Variants in RBFOX1 observed in about 807,000 individuals in gnomAD.
RBFOX1 encodes RNA binding fox-1 homolog 1.
A neutral mutation model predicts 57.7 loss-of-function variants in RBFOX1; 8 were observed. The ratio of observed to expected loss-of-function variants is 0.14; its 90% CI spans 0.08 to 0.25. RBFOX1 has a LOEUF of 0.25. Among genes scored for constraint, RBFOX1 ranks in the 10% least tolerant of loss-of-function variants. RBFOX1 has a pLI of 1.00. For synonymous variants in RBFOX1, 326 were observed against 222.4 expected, an observed-to-expected ratio of 1.47 and a Z score of -4.15; for missense variants, 611 against 548.5, an observed-to-expected ratio of 1.11 and a Z score of -1.14.
At chr16:7,125,868 A>G (rs1027712967) in intron 4 of RBFOX1, among the ~76,000 whole-genome samples, 1 of 152,138 alleles carries the variant, frequency 6.6e-6, no homozygotes, top group African/African-American at 2.4e-5. Flanking sequence ...GGATTACCTG[A>G]GGTCAGGAGT....
chr16:6,315,062 A>T (rs1408031068), intron 1 of RBFOX1, among the ~76,000 whole-genome samples: 3 of 152,164 alleles, frequency 2.0e-5, no homozygotes, highest in African/African-American at 7.2e-5. Context: ...TAAACAATAA[A>T]CTTTTAAAAA....
At chr16:7,528,861 A>G (rs1201449119) in intron 5 of RBFOX1, among the ~76,000 whole-genome samples, 4 of 152,224 alleles carry the variant, frequency 2.6e-5, no homozygotes, top group Non-Finnish European at 4.4e-5. Context: ...AGTTTCAGGA[A>G]TGGCTCAGCC....
intron 1 of RBFOX1, among the ~76,000 whole-genome samples, chr16:5,255,687 T>C (rs1377134305): frequency 6.6e-6 from 1 of 151,938 alleles, no homozygotes; most frequent in Non-Finnish European, 1.5e-5. Context: ...CACCCATCTA[T>C]CCATCCACCC....
At chr16:5,284,712 A>T (rs1596391019) in intron 1 of RBFOX1, among the ~76,000 whole-genome samples, 1 of 126,132 alleles carries the variant, frequency 7.9e-6, no homozygotes, top group African/African-American at 3.0e-5. Context: ...AGGCTCCTTC[A>T]TTTTTGAAGG....
intron 4 of RBFOX1, among the ~76,000 whole-genome samples, chr16:7,156,395 A>G (rs1205509269): frequency 2.0e-5 from 3 of 151,254 alleles, no homozygotes; most frequent in Non-Finnish European, 4.4e-5. Context: ...ATGCACACAT[A>G]CATGTACATA....
chr16:6,358,897 A>G (rs1193859269), intron 2 of RBFOX1, among the ~76,000 whole-genome samples: 1 of 152,208 alleles, frequency 6.6e-6, no homozygotes. Context: ...GGAGGGACAT[A>G]TTGAGTTCGA....
chr16:5,527,615 C>T (rs543058414), intron 2 of RBFOX1, among the ~76,000 whole-genome samples: 156 of 152,288 alleles, frequency 1.0e-3, no homozygotes, highest in Non-Finnish European at 1.8e-3. Flanking sequence ...CATTATTACC[C>T]TTCTTCCTCC....
intron 4 of RBFOX1, among the ~76,000 whole-genome samples, chr16:5,941,053 T>G (rs959106670): frequency 6.6e-6 from 1 of 152,144 alleles, no homozygotes; most frequent in Non-Finnish European, 1.5e-5. Flanking sequence ...TTAAATGAGA[T>G]GATGCATGCA....
At chr16:5,522,785 G>T (rs147172561) in intron 2 of RBFOX1, among the ~76,000 whole-genome samples, 1 of 152,286 alleles carries the variant, frequency 6.6e-6, no homozygotes, top group Non-Finnish European at 1.5e-5. Flanking sequence ...GAGTAAGAAT[G>T]CGTCACGTTT....
At chr16:7,371,818 C>T (rs758100067) in intron 4 of RBFOX1, among the ~76,000 whole-genome samples, 1 of 152,172 alleles carries the variant, frequency 6.6e-6, no homozygotes, top group Non-Finnish European at 1.5e-5. Flanking sequence ...GTTGTTTTCA[C>T]ATACTGACAA....
At chr16:7,693,217 C>T in intron 14 of RBFOX1, 1 of 944,140 alleles carries the variant, frequency 1.1e-6, no homozygotes, top group African/African-American at 1.6e-5. Flanking sequence ...TCACACGCAG[C>T]ACCCTTCCCT....
chr16:5,525,087 C>G (rs1006132995), intron 2 of RBFOX1, among the ~76,000 whole-genome samples: 3 of 152,188 alleles, frequency 2.0e-5, no homozygotes, highest in East Asian at 1.9e-4. Context: ...CACTGCTCCC[C>G]TGGTGTCTAA....
chr16:6,339,966 C>A (rs186301476), intron 2 of RBFOX1, among the ~76,000 whole-genome samples: 2 of 152,182 alleles, frequency 1.3e-5, no homozygotes, highest in East Asian at 3.9e-4. Flanking sequence ...CATGAGCCAC[C>A]GTGCCCAGCC....
chr16:7,557,684 G>C (rs2089098305), intron 5 of RBFOX1, among the ~76,000 whole-genome samples: 2 of 134,280 alleles, frequency 1.5e-5, no homozygotes, highest in Non-Finnish European at 3.2e-5. Context: ...CTGTGGCCCA[G>C]AAAGCACTTT....
intron 1 of RBFOX1, among the ~76,000 whole-genome samples, chr16:6,023,913 A>G (rs1043316420): frequency 2.3e-4 from 35 of 152,234 alleles, no homozygotes; most frequent in African/African-American, 8.2e-4. Context: ...ACTTTAATTA[A>G]AGAATCAATC....
chr16:7,057,529 A>C (rs1003308274), intron 4 of RBFOX1, among the ~76,000 whole-genome samples: 1 of 152,172 alleles, frequency 6.6e-6, no homozygotes, highest in Non-Finnish European at 1.5e-5. Context: ...GGGACTAACC[A>C]TCAGTGCATC....
At chr16:6,411,416 C>G (rs567533774) in intron 2 of RBFOX1, among the ~76,000 whole-genome samples, 4 of 152,262 alleles carry the variant, frequency 2.6e-5, no homozygotes, top group African/African-American at 7.2e-5. Context: ...GAACACATGC[C>G]TTTGTTGTTG....
chr16:6,980,516 T>G (rs557591356), intron 3 of RBFOX1, among the ~76,000 whole-genome samples: 3 of 152,288 alleles, frequency 2.0e-5, no homozygotes, highest in Admixed American at 6.5e-5. Context: ...TGGTTATCCA[T>G]GAACAGAAAA....
chr16:7,333,169 C>T (rs2096723638), intron 4 of RBFOX1: 4 of 1,356,216 alleles, frequency 2.9e-6, no homozygotes, highest in South Asian at 2.3e-5. Context: ...GTTGAGAAAG[C>T]AAACACTTTT....
Sources: gnomAD v4.1 joint callset for allele counts (sites outside exome capture counted in the v4.1 genomes callset) on GRCh38, gnomAD v4.1.1 for gene constraint, MANE v1.5 for transcripts, NCBI Gene and HGNC (gene_info 2026-07-23, HGNC 2026-07-21) for gene names.